Variants in PLA2G4A observed in about 807,000 individuals in gnomAD.
PLA2G4A encodes the protein cytosolic phospholipase A2.
In PLA2G4A, 40 loss-of-function variants were observed where a neutral mutation model predicts 81.9. The ratio of observed to expected loss-of-function variants is 0.49; its 90% CI spans 0.38 to 0.64. The LOEUF (loss-of-function observed/expected upper bound fraction) is 0.64. PLA2G4A is among the 30% of genes least tolerant of loss of function. The pLI is 0.00. For missense variants in PLA2G4A, 715 were observed against 905.1 expected (o/e 0.79, Z 2.69); for synonymous variants, 302 against 296.9 (o/e 1.02, Z -0.18).
At chr1:186,882,443 A>G (rs947998992) in intron 3 of PLA2G4A, among the ~76,000 whole-genome samples, 1 of 152,190 alleles carries the variant, frequency 6.6e-6, no homozygotes, top group Non-Finnish European at 1.5e-5. Flanking sequence ...AACATGTACA[A>G]CTAAAAGTAC....
chr1:186,830,974 CTTTCTTT>C (rs1651552941), intron 1 of PLA2G4A, among the ~76,000 whole-genome samples: 1 of 137,050 alleles, frequency 7.3e-6, no homozygotes, highest in Admixed American at 7.1e-5. Context: ...TTCTTTCTTT[CTTTCTTT>C]CTTTCTTTCT....
intron 1 of PLA2G4A, among the ~76,000 whole-genome samples, chr1:186,836,045 A>G (rs1037440510): frequency 6.6e-6 from 1 of 152,130 alleles, no homozygotes; most frequent in African/African-American, 2.4e-5. Flanking sequence ...TAAAAGAAAG[A>G]ATCAAATTTG....
intron 7 of PLA2G4A, among the ~76,000 whole-genome samples, chr1:186,915,658 C>A (rs1031274715): frequency 2.6e-5 from 4 of 152,078 alleles, no homozygotes; most frequent in African/African-American, 9.7e-5. Context: ...AGCTGTATGC[C>A]CACATATCCA....
chr1:186,905,721 CAA>C (rs1558422240), intron 5 of PLA2G4A, among the ~76,000 whole-genome samples: 1 of 151,848 alleles, frequency 6.6e-6, no homozygotes, highest in East Asian at 1.9e-4. Context: ...CACACACACA[CAA>C]ACGAACAGTA....
intron 2 of PLA2G4A, among the ~76,000 whole-genome samples, chr1:186,862,005 A>AT (rs1652820253): frequency 6.7e-6 from 1 of 149,600 alleles, no homozygotes; most frequent in Non-Finnish European, 1.5e-5. Flanking sequence ...CCAATGTAAT[A>AT]TATTATTATT....
chr1:186,962,622 C>G (rs1221806376), intron 14 of PLA2G4A, among the ~76,000 whole-genome samples: 1 of 152,088 alleles, frequency 6.6e-6, no homozygotes, highest in East Asian at 1.9e-4. Context: ...CCCGAGTTCA[C>G]GCCATTCTCC....
At chr1:186,877,705 CAAAAAAAAAAAAAAAAA>C (rs58954006) in intron 3 of PLA2G4A, among the ~76,000 whole-genome samples, 2 of 86,914 alleles carry the variant, frequency 2.3e-5, no homozygotes, top group Non-Finnish European at 4.1e-5. Context: ...GGCTTACTCA[CAAAAAAAAAAAAAAAAA>C]AAAAAAAAAA....
intron 1 of PLA2G4A, among the ~76,000 whole-genome samples, chr1:186,847,789 A>G (rs1652236189): frequency 6.6e-6 from 1 of 152,098 alleles, no homozygotes; most frequent in African/African-American, 2.4e-5. Flanking sequence ...ATGCCTACTA[A>G]TTCCCAATCA....
At chr1:186,870,580 G>A in intron 3 of PLA2G4A, 64 bp downstream of exon 3, 2 of 1,253,192 alleles carry the variant, frequency 1.6e-6, no homozygotes, top group South Asian at 1.2e-5. Context: ...AATTGCTTGA[G>A]TTCCTTGACA....
intron 2 of PLA2G4A, among the ~76,000 whole-genome samples, chr1:186,865,372 A>G (rs1253989557): frequency 6.6e-6 from 1 of 152,120 alleles, no homozygotes; most frequent in East Asian, 1.9e-4. Flanking sequence ...TTCTTTAAAA[A>G]GTGTAGGTGA....
chr1:186,928,386 T>A (rs1487187694), intron 7 of PLA2G4A, among the ~76,000 whole-genome samples: 1 of 152,180 alleles, frequency 6.6e-6, no homozygotes. Context: ...ATCCTTACTA[T>A]TATAATGTGG....
At chr1:186,895,589 G>A (rs1238229889) in intron 5 of PLA2G4A, among the ~76,000 whole-genome samples, 1 of 152,212 alleles carries the variant, frequency 6.6e-6, no homozygotes, top group Non-Finnish European at 1.5e-5. Flanking sequence ...GTGAGTAAAG[G>A]TTGAAATGAG....
intron 3 of PLA2G4A, among the ~76,000 whole-genome samples, chr1:186,878,033 T>G (rs916809198): frequency 1.3e-5 from 2 of 149,032 alleles, no homozygotes; most frequent in Non-Finnish European, 3.0e-5. Context: ...TCAAATCTTA[T>G]TTTTTATAAA....
chr1:186,876,825 C>A (rs988812305), intron 3 of PLA2G4A, among the ~76,000 whole-genome samples: 1 of 152,066 alleles, frequency 6.6e-6, no homozygotes, highest in Non-Finnish European at 1.5e-5. Context: ...CTAAAGAAAA[C>A]CCAAATGCAT....
At chr1:186,885,437 C>T (rs1653902478) in intron 3 of PLA2G4A, among the ~76,000 whole-genome samples, 1 of 152,146 alleles carries the variant, frequency 6.6e-6, no homozygotes, top group Non-Finnish European at 1.5e-5. Context: ...GCAATAGAGG[C>T]TATCAGTCCT....
intron 14 of PLA2G4A, 139 bp downstream of exon 14, chr1:186,956,483 T>A: frequency 1.2e-6 from 1 of 859,540 alleles, no homozygotes; most frequent in East Asian, 2.4e-5. Flanking sequence ...GTGAAGGGCT[T>A]CAAATGACTA....
At chr1:186,974,947 G>A (rs1657480244) in intron 15 of PLA2G4A, among the ~76,000 whole-genome samples, 1 of 152,156 alleles carries the variant, frequency 6.6e-6, no homozygotes, top group African/African-American at 2.4e-5. Flanking sequence ...AGCGTGAAGT[G>A]AACCATCTAA....
chr1:186,922,914 C>G lies in PLA2G4A; in HGVS notation c.559-9849C>G, dbSNP rs148903194. On this transcript the variant is annotated intron_variant, in intron 7 of 17. Coordinates refer to ENST00000367466, the MANE Select transcript of PLA2G4A (RefSeq NM_024420.3). ...GCATGCACTGGTAATTAGAACAGAA[C>G]AGAATAGGACAGGGATTTTCACAGT... 3.2e-3 allele frequency among the ~76,000 whole-genome samples: 481 copies of G among 152,282 alleles called. 2 individuals are homozygous for G. Among genetic ancestry groups the G allele is most frequent in the Admixed American group, 0.011 (174 of 15,296 alleles).
At chr1:186,921,882 A>T (rs1655365836) in intron 7 of PLA2G4A, among the ~76,000 whole-genome samples, 1 of 151,978 alleles carries the variant, frequency 6.6e-6, no homozygotes, top group African/African-American at 2.4e-5. Flanking sequence ...GTAGCCAATA[A>T]TTTACATATG....
Sources: gnomAD v4.1 joint callset for allele counts (sites outside exome capture counted in the v4.1 genomes callset) on GRCh38, gnomAD v4.1.1 for gene constraint, MANE v1.5 for transcripts, NCBI Gene and HGNC (gene_info 2026-07-23, HGNC 2026-07-21) for gene names.